The following CASK variants were observed in gnomAD, a reference collection of about 807,000 sequenced individuals.
CASK encodes calcium/calmodulin dependent serine protein kinase, also known as peripheral plasma membrane protein CASK.
In CASK, 4 loss-of-function variants were observed where a neutral mutation model predicts 82.9. That is an observed-to-expected ratio of 0.05 (90% CI 0.02 to 0.11). The LOEUF is 0.11. Among genes scored for constraint, CASK ranks in the 10% least tolerant of loss-of-function variants. The pLI, the probability that CASK is intolerant of heterozygous loss-of-function variation, is 1.00. For missense variants in CASK, 358 were observed against 720.9 expected, an observed-to-expected ratio of 0.50 and a Z score of 5.76; for synonymous variants, 259 against 253.5, an observed-to-expected ratio of 1.02 and a Z score of -0.20.
rs771803272 is a variant in CASK at position 41,784,822 on chromosome X, G to A, written c.278+2356C>T. Among the ~76,000 whole-genome samples the A allele has an allele frequency of 4.3e-4, 47 of 109,896 alleles. 1 individual carries two copies. Among genetic ancestry groups the A allele is most frequent in the Admixed American group, 4.1e-3 (42 of 10,227 alleles). On this transcript the variant is annotated intron_variant, in intron 3 of 26. Coordinates refer to ENST00000378163, the MANE Select transcript of CASK (RefSeq NM_001367721.1). ...ACCCAGGGGGCGGAGGTTGCAGTGAGCCGAGATTGCGCCACTGCACTCCAG... is the reference window on the plus strand; with the variant it reads ...ACCCAGGGGGCGGAGGTTGCAGTGAACCGAGATTGCGCCACTGCACTCCAG...
At chrX:41,716,901 G>C (rs2068071357) in intron 5 of CASK, among the ~76,000 whole-genome samples, 1 of 111,564 alleles carries the variant, frequency 9.0e-6, no homozygotes, top group African/African-American at 3.3e-5. Context: ...TAACTCCCTT[G>C]TTCTTTGTTC....
chrX:41,580,525 G>T (rs1859812160), intron 14 of CASK, among the ~76,000 whole-genome samples: 1 of 111,510 alleles, frequency 9.0e-6, no homozygotes, highest in African/African-American at 3.3e-5. Context: ...TACAAGGAAG[G>T]ATTAAGCCCA....
intron 15 of CASK, among the ~76,000 whole-genome samples, chrX:41,573,298 A>T (rs2065442013): frequency 9.8e-6 from 1 of 102,544 alleles, no homozygotes; most frequent in Non-Finnish European, 2.0e-5. Context: ...GTAGCTTGGT[A>T]TTGTTTTCTT....
At position 41,542,914 on chromosome X, in the gene CASK, T is replaced by C. The variant is rs1602236546; in HGVS notation, c.2040-108A>G. On this transcript the variant is annotated intron_variant, in intron 21 of 26. Coordinates refer to ENST00000378163, the MANE Select transcript of CASK (RefSeq NM_001367721.1). ...TTTATATAAAACAGCATAACCATACTCATCCTAATCTTTTAAAAAATTTGG... is the reference window on the plus strand; with the variant it reads ...TTTATATAAAACAGCATAACCATACCCATCCTAATCTTTTAAAAAATTTGG... 5 of 486,857 alleles carry C rather than the reference T, an allele frequency of 1.0e-5. No homozygotes were observed. The East Asian group carries it at 1.9e-4, about 18-fold the overall frequency. The allele number at this position is 486,857 out of a possible 1,213,427, so 40.1% of individuals were successfully genotyped here.
chrX:41,815,492 AAAAT>A (rs1206980791), intron 2 of CASK, among the ~76,000 whole-genome samples: 2 of 112,222 alleles, frequency 1.8e-5, no homozygotes, highest in African/African-American at 6.5e-5. Flanking sequence ...GAAATACAAA[AAAAT>A]AAATAGGAAC....
At position 41,540,757 on chromosome X, in the gene CASK, G is replaced by A. The variant is rs774327929; in HGVS notation, c.2155+1934C>T. ...AAAGAGTGGAAAAAGTGAAAACACT[G>A]GCTGCCAGATCGGATGCTGATTCTC... On this transcript the variant is annotated intron_variant, in intron 22 of 26. Transcript: ENST00000378163. Among the ~76,000 whole-genome samples the A allele has an allele frequency of 1.2e-4, 13 of 112,285 alleles. No individual in the cohort carries two copies. The East Asian group carries it at 3.6e-3, about 31-fold the overall frequency.
intron 1 of CASK, among the ~76,000 whole-genome samples, chrX:41,885,273 A>G (rs757968460): frequency 3.6e-5 from 4 of 112,132 alleles, no homozygotes; most frequent in Non-Finnish European, 7.5e-5. Flanking sequence ...CACTCAATAA[A>G]GAACCTATTT....
chrX:41,755,406 T>C (rs1235194392), intron 3 of CASK, among the ~76,000 whole-genome samples: 1 of 111,963 alleles, frequency 8.9e-6, no homozygotes, highest in Non-Finnish European at 1.9e-5. Context: ...CAGGTCCAAA[T>C]TGAGTTTACC....
At chrX:41,564,792 C>G (rs2065286699) in intron 16 of CASK, among the ~76,000 whole-genome samples, 1 of 111,451 alleles carries the variant, frequency 9.0e-6, no homozygotes, top group Admixed American at 9.6e-5. Flanking sequence ...TTCTTCTCAG[C>G]ACCACACTGC....
chrX:41,816,631 A>G (rs1226988377), intron 2 of CASK, among the ~76,000 whole-genome samples: 2 of 110,848 alleles, frequency 1.8e-5, no homozygotes, highest in Non-Finnish European at 3.8e-5. Flanking sequence ...GAAAAAAAAA[A>G]AGAGAGAAAA....
At chrX:41,560,891 C>CA (rs1458443813) in intron 17 of CASK, among the ~76,000 whole-genome samples, 3 of 106,513 alleles carry the variant, frequency 2.8e-5, no homozygotes, top group Admixed American at 1.0e-4. Context: ...AACTCCGTCT[C>CA]AAAAAAAAGA....
chrX:41,585,920 C>G (rs2065651707), intron 14 of CASK: 2 of 110,905 alleles, frequency 1.8e-5, no homozygotes, highest in African/African-American at 6.6e-5. Context: ...CTTTGAGAGG[C>G]TGAGGCAGGA....
In CASK at chrX:41,516,748, T is replaced by C. The variant is rs5917432; in HGVS notation, c.*3672A>G. On this transcript the variant is annotated 3_prime_UTR_variant, in exon 27 of 27. Transcript: ENST00000378163. The stretch of plus-strand genomic sequence containing the variant: ...GCCGATTCCAAGGTGCCTTCTCTTT[T>C]CAAAGAGACAGTGTGGGAGGCATTT... 14,690 of 110,688 alleles carry C rather than the reference T, an allele frequency of 0.13. 786 individuals are homozygous for C. Among genetic ancestry groups the C allele is most frequent in the African/African-American group, 0.16 (4,964 of 30,404 alleles). 9.1% of individuals were successfully genotyped at this position (110,688 alleles called of 1,213,427 possible).
intron 5 of CASK, among the ~76,000 whole-genome samples, chrX:41,681,686 T>C (rs1413550953): frequency 9.0e-6 from 1 of 111,382 alleles, no homozygotes; most frequent in Non-Finnish European, 1.9e-5. Flanking sequence ...AGGAAAGTCA[T>C]GACATTACAA....
At chrX:41,768,804 T>C (rs937018261) in intron 3 of CASK, among the ~76,000 whole-genome samples, 9 of 110,982 alleles carry the variant, frequency 8.1e-5, no homozygotes, top group African/African-American at 2.3e-4. Flanking sequence ...CCCATCTCTA[T>C]TAAAAACAAA....
intron 6 of CASK, among the ~76,000 whole-genome samples, chrX:41,670,910 G>A (rs2067188711): frequency 8.9e-6 from 1 of 112,085 alleles, no homozygotes; most frequent in Admixed American, 9.5e-5. Flanking sequence ...TTTTTATTCT[G>A]ACATGGGAAT....
intron 5 of CASK, among the ~76,000 whole-genome samples, chrX:41,686,094 T>G (rs962315813): frequency 9.0e-6 from 1 of 111,357 alleles, no homozygotes; most frequent in African/African-American, 3.3e-5. Context: ...TGCATTTTTT[T>G]TCTTTTTTTA....
intron 8 of CASK, among the ~76,000 whole-genome samples, chrX:41,639,009 C>T (rs1402280602): frequency 9.1e-6 from 1 of 109,582 alleles, no homozygotes; most frequent in Non-Finnish European, 1.9e-5. Flanking sequence ...CACTTTTATT[C>T]AACACAGTAC....
At chrX:41,649,123 C>T (rs188110385) in intron 8 of CASK, among the ~76,000 whole-genome samples, 1,923 of 110,847 alleles carry the variant, frequency 0.017, 23 homozygotes, top group Middle Eastern at 0.051. Flanking sequence ...TTTTTTATTG[C>T]GTCTATTTGA....
Sources: gnomAD v4.1 joint callset for allele counts (sites outside exome capture counted in the v4.1 genomes callset) on GRCh38, gnomAD v4.1.1 for gene constraint, MANE v1.5 for transcripts, NCBI Gene and HGNC (gene_info 2026-07-23, HGNC 2026-07-21) for gene names.